PGM5: variants seen among roughly 807,000 people sequenced by gnomAD.
PGM5 encodes phosphoglucomutase 5.
A neutral mutation model predicts 59.2 loss-of-function variants in PGM5; 23 were observed. The ratio of observed to expected loss-of-function variants is 0.39; its 90% CI spans 0.28 to 0.55. PGM5 has a LOEUF of 0.55. Ranked by LOEUF, PGM5 falls within the 20% of genes least tolerant of loss-of-function variation. The probability of loss-of-function intolerance (pLI) is 0.66; values close to 1 mark genes in which losing one functional copy is unlikely to be tolerated. For missense variants in PGM5, 574 were observed against 748.3 expected, an observed-to-expected ratio of 0.77 and a Z score of 2.72; for synonymous variants, 214 against 286.0, an observed-to-expected ratio of 0.75 and a Z score of 2.54.
At chr9:68,489,718 C>T (rs782661038) in intron 9 of PGM5, among the ~76,000 whole-genome samples, 5 of 152,076 alleles carry the variant, frequency 3.3e-5, no homozygotes, top group African/African-American at 4.8e-5. Context: ...CCGCCCACCT[C>T]GGCCTCCCAA....
In PGM5 at chr9:68,485,012, G is replaced by A. The variant is rs149213314; in HGVS notation, c.1479+964G>A. ...TATCCTTGGGATATTTTTGCTCACC[G>A]ACAAGGAAGGCTCGGAAACCATTCC... On this transcript the variant is annotated intron_variant, in intron 9 of 10. Coordinates refer to ENST00000396396, the MANE Select transcript of PGM5 (RefSeq NM_021965.4). Among the ~76,000 whole-genome samples the A allele has an allele frequency of 6.8e-3, 1,032 of 152,218 alleles. 12 individuals carry two copies. The highest frequency in any genetic ancestry group is 0.021 in the African/African-American group (889 of 41,532).
At chr9:68,461,561 T>C (rs1396832817) in intron 6 of PGM5, among the ~76,000 whole-genome samples, 3 of 152,138 alleles carry the variant, frequency 2.0e-5, no homozygotes, top group Non-Finnish European at 4.4e-5. Flanking sequence ...TTAAGAGGTG[T>C]TCAGGCCAGG....
chr9:68,453,193 A>G (rs1823724145), intron 6 of PGM5, among the ~76,000 whole-genome samples: 2 of 152,240 alleles, frequency 1.3e-5, no homozygotes, highest in Admixed American at 1.3e-4. Context: ...GTCCACTTTT[A>G]CCATAGTCTC....
At chr9:68,397,403 C>T (rs1822539033) in intron 6 of PGM5, 1 of 152,282 alleles carries the variant, frequency 6.6e-6, no homozygotes, top group Admixed American at 6.5e-5. Context: ...TTTACAGTCT[C>T]AAACATGGCT....
rs782335493 is a variant in PGM5 at position 68,484,013 on chromosome 9, G to T, written c.1444G>T (p.Val482Leu). ...SVAKTDSFEY[V>L]DPVDGTVTKK... ...GGCGAAGACGGATAGTTTTGAATAC[G>T]TGGACCCTGTGGATGGCACTGTGAC... The change falls in exon 9 of 11, where the codon GTG becomes TTG. Residue 482 changes from valine (V) to leucine (L), a missense_variant. Physicochemically the swap from Val to Leu is conservative, Grantham distance 32 (BLOSUM62 1). Coordinates refer to ENST00000396396, the MANE Select transcript of PGM5 (RefSeq NM_021965.4). 6.2e-7 allele frequency: 1 copy of T among 1,613,752 alleles called. No individual in the cohort carries two copies. Among genetic ancestry groups the T allele is most frequent in the East Asian group, 2.2e-5 (1 of 44,870 alleles).
chr9:68,526,441 T>A (rs1824975797), intron 10 of PGM5, among the ~76,000 whole-genome samples: 1 of 152,238 alleles, frequency 6.6e-6, no homozygotes, highest in African/African-American at 2.4e-5. Context: ...GGACAAGTGC[T>A]TGGTTGATGA....
At chr9:68,456,281 A>AT (rs781965665) in intron 6 of PGM5, among the ~76,000 whole-genome samples, 4 of 136,848 alleles carry the variant, frequency 2.9e-5, no homozygotes, top group African/African-American at 8.3e-5. Context: ...TTGGTATTAG[A>AT]TTTTTTCTTT....
intron 2 of PGM5, among the ~76,000 whole-genome samples, chr9:68,379,336 T>G (rs1554678125): frequency 1.3e-5 from 2 of 152,200 alleles, no homozygotes; most frequent in Non-Finnish European, 2.9e-5. Flanking sequence ...ACAGTTACCA[T>G]TATAAATTAT....
At chr9:68,472,522 C>T (rs928164472) in intron 7 of PGM5, among the ~76,000 whole-genome samples, 17 of 152,144 alleles carry the variant, frequency 1.1e-4, no homozygotes, top group African/African-American at 3.9e-4. Flanking sequence ...TTCCTCATTG[C>T]GAGACAACTT....
chr9:68,515,363 G>A (rs141849934), intron 10 of PGM5, among the ~76,000 whole-genome samples: 3 of 152,200 alleles, frequency 2.0e-5, no homozygotes, highest in East Asian at 1.9e-4. Context: ...TGCCTCCTCC[G>A]TAAGACTCAG....
chr9:68,520,089 C>A (rs200121279), intron 10 of PGM5, among the ~76,000 whole-genome samples: 2,051 of 128,262 alleles, frequency 0.016, no homozygotes, highest in Middle Eastern at 0.027. Context: ...GACCCTGTCT[C>A]AAAAAAAAAA....
At chr9:68,495,599 A>T (rs782811354) in intron 9 of PGM5, among the ~76,000 whole-genome samples, 1 of 152,220 alleles carries the variant, frequency 6.6e-6, no homozygotes, top group Non-Finnish European at 1.5e-5. Context: ...AGCATCCTGC[A>T]GTAAAAGTGA....
At chr9:68,361,923 G>C (rs1794183062) in intron 1 of PGM5, among the ~76,000 whole-genome samples, 1 of 151,898 alleles carries the variant, frequency 6.6e-6, no homozygotes, top group South Asian at 2.1e-4. Flanking sequence ...GGCGATCACT[G>C]CCTATCTCCT....
intron 1 of PGM5, among the ~76,000 whole-genome samples, chr9:68,362,416 T>C (rs1444697804): frequency 2.0e-5 from 3 of 152,258 alleles, no homozygotes; most frequent in Admixed American, 2.0e-4. Flanking sequence ...TCTGTTTCTG[T>C]AGTTTTTATG....
intron 7 of PGM5, among the ~76,000 whole-genome samples, chr9:68,478,236 C>T (rs1319855445): frequency 6.6e-6 from 1 of 152,240 alleles, no homozygotes; most frequent in Non-Finnish European, 1.5e-5. Context: ...GTCATTTAGA[C>T]TGCAGTCTTC....
At chr9:68,524,981 T>C (rs1428411012) in intron 10 of PGM5, among the ~76,000 whole-genome samples, 1 of 152,190 alleles carries the variant, frequency 6.6e-6, no homozygotes, top group East Asian at 1.9e-4. Flanking sequence ...TGAAATTCTG[T>C]GCTTCCAGCT....
At chr9:68,359,675 C>CT (rs1486574718) in intron 1 of PGM5, among the ~76,000 whole-genome samples, 1 of 152,108 alleles carries the variant, frequency 6.6e-6, no homozygotes, top group African/African-American at 2.4e-5. Flanking sequence ...AGGCTTTGGT[C>CT]TTTTTTGATA....
chr9:68,367,663 A>G (rs1461241871), intron 1 of PGM5, among the ~76,000 whole-genome samples: 1 of 152,106 alleles, frequency 6.6e-6, no homozygotes, highest in Non-Finnish European at 1.5e-5. Flanking sequence ...TGTCATAAAT[A>G]ACAATAAATT....
At chr9:68,467,908 G>T (rs1425180377) in intron 7 of PGM5, among the ~76,000 whole-genome samples, 2 of 151,974 alleles carry the variant, frequency 1.3e-5, no homozygotes, top group Non-Finnish European at 2.9e-5. Flanking sequence ...AATTGTAGTG[G>T]ATTTTTTTTC....
Sources: allele counts gnomAD v4.1 joint callset (sites outside exome capture counted in the v4.1 genomes callset), GRCh38; gene constraint gnomAD v4.1.1; transcripts MANE v1.5; gene names NCBI Gene and HGNC (gene_info 2026-07-23, HGNC 2026-07-21).